Variants in MARCHF3 observed in about 807,000 individuals in gnomAD.
The protein encoded by MARCHF3 is membrane associated ring-CH-type finger 3, also known as E3 ubiquitin-protein ligase MARCHF3.
A neutral mutation model predicts 24.2 loss-of-function variants in MARCHF3; 13 were observed. The ratio of observed to expected loss-of-function variants is 0.54; its 90% confidence interval spans 0.35 to 0.85. MARCHF3 has a LOEUF of 0.85. Among genes scored for constraint, MARCHF3 ranks in the 40% least tolerant of loss-of-function variants. The probability of loss-of-function intolerance (pLI) is 0.01; values close to 1 mark genes in which losing one functional copy is unlikely to be tolerated. For synonymous variants in MARCHF3, 144 were observed against 137.3 expected (o/e 1.05, Z -0.34); for missense variants, 276 against 325.0 (o/e 0.85, Z 1.16).
chr5:126,969,480 C>G (rs1750927213), intron 1 of MARCHF3, among the ~76,000 whole-genome samples: 1 of 152,192 alleles, frequency 6.6e-6, no homozygotes, highest in Non-Finnish European at 1.5e-5. Flanking sequence ...TTTAAAAACA[C>G]AGACTGTTAT....
intron 1 of MARCHF3, among the ~76,000 whole-genome samples, chr5:127,014,432 C>G (rs189509171): frequency 6.6e-6 from 1 of 151,946 alleles, no homozygotes; most frequent in African/African-American, 2.4e-5. Flanking sequence ...AACTACTGTA[C>G]GATCCAGCAA....
At chr5:126,901,457 C>T (rs1373029750) in intron 3 of MARCHF3, among the ~76,000 whole-genome samples, 1 of 152,032 alleles carries the variant, frequency 6.6e-6, no homozygotes, top group Non-Finnish European at 1.5e-5. Context: ...AGGTCTCATT[C>T]AGTGAATAAA....
intron 1 of MARCHF3, among the ~76,000 whole-genome samples, chr5:126,959,962 C>A (rs1750586705): frequency 6.6e-6 from 1 of 152,042 alleles, no homozygotes; most frequent in South Asian, 2.1e-4. Flanking sequence ...TCTAAGAGCT[C>A]CTCTGAGAAA....
At chr5:126,993,757 C>T (rs903743492) in intron 1 of MARCHF3, among the ~76,000 whole-genome samples, 44 of 152,330 alleles carry the variant, frequency 2.9e-4, no homozygotes, top group Middle Eastern at 3.4e-3. Context: ...TTCCACTTCT[C>T]TCCTTTCTTC....
chr5:126,910,698 T>A (rs1754488923), intron 3 of MARCHF3, among the ~76,000 whole-genome samples: 1 of 152,250 alleles, frequency 6.6e-6, no homozygotes, highest in Non-Finnish European at 1.5e-5. Context: ...GACCCTGTGA[T>A]GATTGCATTA....
Position 126,896,542 on chromosome 5 carries a change from C to T in MARCHF3, c.394-18148G>A, listed in dbSNP as rs150515613. ...ATGCAACCCCTAGGTGTCCCTGTGG[C>T]AGAACCAAGCCAACCATTAAAGAAC... On this transcript the variant is annotated intron_variant, in intron 3 of 4. Coordinates refer to ENST00000308660, the MANE Select transcript of MARCHF3 (RefSeq NM_178450.5). Among the ~76,000 whole-genome samples, 392 of 152,186 alleles carry T rather than the reference C, an allele frequency of 2.6e-3. 5 individuals are homozygous for T. Among genetic ancestry groups the T allele is most frequent in the Middle Eastern group, 0.02 (6 of 294 alleles).
intron 3 of MARCHF3, among the ~76,000 whole-genome samples, chr5:126,895,054 T>C (rs1753826757): frequency 1.3e-5 from 2 of 152,098 alleles, no homozygotes. Flanking sequence ...CTTCATTTCA[T>C]TCATTTCATC....
intron 3 of MARCHF3, among the ~76,000 whole-genome samples, chr5:126,895,841 C>A (rs1006965290): frequency 2.0e-5 from 3 of 152,144 alleles, no homozygotes; most frequent in African/African-American, 7.2e-5. Flanking sequence ...GGGCTCCACC[C>A]AGTTGGAGCT....
At chr5:126,877,474 G>T (rs1287399228) in intron 4 of MARCHF3, among the ~76,000 whole-genome samples, 1 of 152,176 alleles carries the variant, frequency 6.6e-6, no homozygotes, top group East Asian at 1.9e-4. Context: ...GTTGCATTTT[G>T]TGGGTGCTGT....
In MARCHF3 at chr5:126,915,224, C is replaced by A. The variant is rs536364834; in HGVS notation, c.189-90G>T. 21 of 1,298,512 alleles carry A rather than the reference C, an allele frequency of 1.6e-5. No homozygotes were observed. The South Asian group carries it at 2.8e-4, about 17-fold the overall frequency. The allele number at this position is 1,298,512 out of a possible 1,614,324, so 80.4% of individuals were successfully genotyped here. ...TCTAGCTCTTGTCCTTTGGGCCCTC[C>A]CCAGAGGCAGCTGCTTTAAGACCTC... On this transcript the variant is annotated intron_variant, in intron 2 of 4. Transcript: ENST00000308660.
intron 1 of MARCHF3, among the ~76,000 whole-genome samples, chr5:126,931,944 G>A (rs1178872563): frequency 1.3e-5 from 2 of 152,168 alleles, no homozygotes; most frequent in Non-Finnish European, 2.9e-5. Context: ...GAATCCCTTC[G>A]ATTTTCCATC....
chr5:126,931,575 A>G (rs1380653410), intron 1 of MARCHF3, among the ~76,000 whole-genome samples: 3 of 80,720 alleles, frequency 3.7e-5, no homozygotes, highest in Non-Finnish European at 7.2e-5. Context: ...ATGAATACAC[A>G]CACACACACA....
intron 1 of MARCHF3, among the ~76,000 whole-genome samples, chr5:126,994,864 C>T (rs1008890422): frequency 7.9e-5 from 12 of 152,162 alleles, no homozygotes; most frequent in Admixed American, 7.9e-4. Context: ...AGCCGGTGGC[C>T]GAAGGCCCAA....
chr5:126,971,163 A>T (rs965931442), intron 1 of MARCHF3, among the ~76,000 whole-genome samples: 1 of 152,076 alleles, frequency 6.6e-6, no homozygotes, highest in African/African-American at 2.4e-5. Context: ...AAGAAGAAAA[A>T]ACAGGCTAGG....
At position 126,964,933 on chromosome 5, in the gene MARCHF3, A is replaced by G. The variant is rs902229263; in HGVS notation, c.-56-46706T>C. Among the ~76,000 whole-genome samples the G allele has an allele frequency of 4.0e-5, 6 of 151,852 alleles. No individual in the cohort carries two copies. The East Asian group carries it at 7.7e-4, about 20-fold the overall frequency. ...CAGCCCTGTAGGTAGGGAGGAGGGA[A>G]TAACTTTGAGAAAGATAGGGCTTAT... On this transcript the variant is annotated intron_variant, in intron 1 of 4. Coordinates refer to ENST00000308660, the MANE Select transcript of MARCHF3 (RefSeq NM_178450.5).
rs181171224 is a variant in MARCHF3 at position 126,871,263 on chromosome 5, C to T, written c.604-472G>A. Among the ~76,000 whole-genome samples, 49 of 152,284 alleles carry T rather than the reference C, an allele frequency of 3.2e-4. No homozygotes were observed. The East Asian group carries it at 9.1e-3, about 28-fold the overall frequency. ...CACAACTCAAAGGATCCCATTCATA[C>T]TATGATATGAAGGACACCCTTTGTA... is the stretch of plus-strand genomic sequence containing the variant. On this transcript the variant is annotated intron_variant, in intron 4 of 4. Transcript: ENST00000308660.
chr5:126,873,139 T>G lies in MARCHF3; in HGVS notation c.604-2348A>C, dbSNP rs182408109. 6.1e-4 allele frequency among the ~76,000 whole-genome samples: 93 copies of G among 152,230 alleles called. No homozygotes were observed. In the East Asian group the frequency reaches 0.014, roughly 22 times the overall value. On this transcript the variant is annotated intron_variant, in intron 4 of 4. Transcript: ENST00000308660. ...TAGTAATTGGAGAAGTAGTTATGAGTGCAGGCCGCAGGCTCCGGAGCCAGG... is the reference window on the plus strand; with the variant it reads ...TAGTAATTGGAGAAGTAGTTATGAGGGCAGGCCGCAGGCTCCGGAGCCAGG...
intron 1 of MARCHF3, among the ~76,000 whole-genome samples, chr5:126,922,602 A>C (rs1316129155): frequency 2.0e-5 from 3 of 151,590 alleles, no homozygotes; most frequent in Non-Finnish European, 4.4e-5. Context: ...GCTGGAGTGC[A>C]GTGGCGTGAT....
intron 1 of MARCHF3, among the ~76,000 whole-genome samples, chr5:126,958,916 T>C (rs1750544001): frequency 6.6e-6 from 1 of 152,326 alleles, no homozygotes. Context: ...TGAAGTATTA[T>C]ATTATTGCCA....
Sources: allele counts gnomAD v4.1 joint callset (sites outside exome capture counted in the v4.1 genomes callset), GRCh38; gene constraint gnomAD v4.1.1; transcripts MANE v1.5; gene names NCBI Gene and HGNC (gene_info 2026-07-23, HGNC 2026-07-21).